The following SLC35B2 variants were observed in gnomAD, a reference collection of about 807,000 sequenced individuals.
The protein encoded by SLC35B2 is adenosine 3'-phospho 5'-phosphosulfate transporter 1.
A neutral mutation model predicts 37.9 loss-of-function variants in SLC35B2; 19 were observed. The ratio of observed to expected loss-of-function variants is 0.50; its 90% CI spans 0.35 to 0.74. SLC35B2 has a LOEUF of 0.74. SLC35B2 is among the 30% of genes least tolerant of loss of function. SLC35B2 has a pLI of 0.01. For synonymous variants in SLC35B2, 277 were observed against 225.2 expected (o/e 1.23, Z -2.06); for missense variants, 633 against 547.6 (o/e 1.16, Z -1.56).
intron 3 of SLC35B2, 35 bp downstream of exon 3, chr6:44,256,307 C>G (rs368176456): frequency 6.0e-5 from 95 of 1,577,988 alleles, no homozygotes; most frequent in Non-Finnish European, 2.3e-5. Context: ...CACCGGCATC[C>G]AACCCAGGAA....
Position 44,255,542 on chromosome 6 carries a change from G to C in SLC35B2, c.463C>G (p.Leu155Val). 1 of 1,614,234 alleles carries C rather than the reference G, an allele frequency of 6.2e-7. No individual in the cohort carries two copies. Among genetic ancestry groups the C allele is most frequent in the Non-Finnish European group, 8.5e-7 (1 of 1,180,042 alleles). The part of the protein sequence containing the change: ...PGERFTDSQF[L>V]VLMNRVLALI... ...GCCAGCACTCGGTTCATTAGCACCAGGAACTGCGAGTCCGTAAAGCGCTCA... is the reference window on the plus strand; with the variant it reads ...GCCAGCACTCGGTTCATTAGCACCACGAACTGCGAGTCCGTAAAGCGCTCA... Residue 155 changes from leucine (L) to valine (V), a missense_variant, in exon 4 of 4, where the codon CTG (leucine) becomes GTG (valine). By Grantham distance (32) the Leu-to-Val change is conservative. Transcript: ENST00000393812.
In SLC35B2 at chr6:44,256,696, T is replaced by C; in HGVS notation, c.194A>G (p.Tyr65Cys). Residue 65 changes from tyrosine to cysteine, a missense_variant, in exon 2 of 4, where the codon TAC becomes TGC. Transcript: ENST00000393812. ...CTTTCTTCACACACCGGTCTCCAGG[T>C]AGTTCTTCCGCCTGAAGTACTGCAC... ...LLVQYFRRKN[Y>C]LETGRGLCFP... 6.2e-7 allele frequency: 1 copy of C among 1,614,062 alleles called. No homozygotes were observed. The highest frequency in any genetic ancestry group is 1.1e-5 in the South Asian group (1 of 91,078).
Position 44,254,564 on chromosome 6 carries a change from C to A in SLC35B2, c.*142G>T. 1 of 992,910 alleles carries A rather than the reference C, an allele frequency of 1.0e-6. No homozygotes were observed. Among genetic ancestry groups the A allele is most frequent in the Non-Finnish European group, 1.5e-6 (1 of 681,476 alleles). The allele number at this position is 992,910 out of a possible 1,614,324, so 61.5% of individuals were successfully genotyped here. On this transcript the variant is annotated 3_prime_UTR_variant, in exon 4 of 4. Transcript: ENST00000393812. ...AAGGGAAGGCTGCCTCCTGGGCTCC[C>A]CAATCCCCTGCTGCAGAGCTGGTCT...
At chr6:44,256,616 C>A (rs1020505918) in intron 2 of SLC35B2, 69 bp downstream of exon 2, 5 of 1,610,798 alleles carry the variant, frequency 3.1e-6, no homozygotes, top group South Asian at 1.1e-5. Context: ...AAGTCATATC[C>A]CGTTTGGACT....
rs1221012724 is a variant in SLC35B2, at chr6:44,254,930, T to C, written c.1075A>G (p.Ile359Val). 2 of 1,614,032 alleles carry C rather than the reference T, an allele frequency of 1.2e-6. No homozygotes were observed. The highest frequency in any genetic ancestry group is 4.5e-5 in the East Asian group (2 of 44,874). ...AAGACGGCAGCCCCAAACTGCCCAA[T>C]GGTGTAAAAGATGAAGAGCTGGCCA... ...ACGQLFIFYT[I>V]GQFGAAVFTI... Residue 359 changes from isoleucine (I) to valine (V), a missense_variant, in exon 4 of 4, where the codon ATT (isoleucine) becomes GTT (valine). Physicochemically the swap from Ile to Val is conservative, Grantham distance 29. Coordinates refer to ENST00000393812, the MANE Select transcript of SLC35B2 (RefSeq NM_178148.4).
At position 44,255,652 on chromosome 6, in the gene SLC35B2, G is replaced by A. The variant is rs1457637956; in HGVS notation, c.361-8C>T. 1.9e-6 allele frequency: 3 copies of A among 1,605,722 alleles called. No individual in the cohort carries two copies. The highest frequency in any genetic ancestry group is 8.5e-7 in the Non-Finnish European group (1 of 1,175,426). On this transcript the variant is annotated splice_region_variant and splice_polypyrimidine_tract_variant and intron_variant, in intron 3 of 3. Transcript: ENST00000393812. The stretch of plus-strand genomic sequence containing the variant: ...CCAAGTCAGATAAGACACCTGTTGG[G>A]GAAGGTAGAGACAAAGGAGACAATA...
Position 44,254,498 on chromosome 6 carries a change from C to T in SLC35B2, c.*208G>A. ...CTGAGGACTGTCTACCCCCGGGGCT[C>T]AGAATAAACTGCTTACTGGAAGATG... On this transcript the variant is annotated 3_prime_UTR_variant, in exon 4 of 4. Transcript: ENST00000393812. The T allele has an allele frequency of 1.7e-6, 1 of 593,350 alleles. No individual in the cohort carries two copies. Among genetic ancestry groups the T allele is most frequent in the African/African-American group, 1.9e-5 (1 of 53,902 alleles). The allele number at this position is 593,350 out of a possible 1,614,324, so 36.8% of individuals were successfully genotyped here. A position where few individuals can be genotyped will look rare whatever the true frequency, so the allele number is the denominator to read the frequency against.
At chr6:44,257,002 G>C (rs1781592487) in intron 1 of SLC35B2, 124 bp from the exon 2 acceptor site, 3 of 1,075,008 alleles carry the variant, frequency 2.8e-6, no homozygotes, top group African/African-American at 1.6e-5. Context: ...GCTCCGGCCC[G>C]GACAAAGAGC....
rs1175921194 is a variant in SLC35B2, at chr6:44,254,457, T to TC, written c.*248dup. On this transcript the variant is annotated 3_prime_UTR_variant, in exon 4 of 4. Coordinates refer to ENST00000393812, the MANE Select transcript of SLC35B2 (RefSeq NM_178148.4). ...TACCTATGCTCTCTTGACCCCAAAC[T>TC]CCCCAAAACCCCTCACTGAGGACTG... 8.3e-6 allele frequency: 4 copies of TC among 480,974 alleles called. No homozygotes were observed. The highest frequency in any genetic ancestry group is 1.5e-5 in the Non-Finnish European group (4 of 271,312). The allele number at this position is 480,974 out of a possible 1,614,324, so 29.8% of individuals were successfully genotyped here.
At position 44,257,419 on chromosome 6, in the gene SLC35B2, C is replaced by G. The variant is rs759321564; in HGVS notation, c.-9G>C. On this transcript the variant is annotated 5_prime_UTR_variant, in exon 1 of 4. Transcript: ENST00000393812. ...CCCCACCTGGCGTCCATGGTCCAGG[C>G]CGCGTGGGGTGGAGGGGGAACCGGG... The G allele has an allele frequency of 3.1e-5, 39 of 1,263,794 alleles. No homozygotes were observed. Among genetic ancestry groups the G allele is most frequent in the Non-Finnish European group, 3.8e-5 (38 of 997,232 alleles). 78.3% of individuals were successfully genotyped at this position (1,263,794 alleles called of 1,614,324 possible). A position where few individuals can be genotyped will look rare whatever the true frequency, so the allele number is the denominator to read the frequency against.
At chr6:44,257,238 G>A in intron 1 of SLC35B2, 162 bp downstream of exon 1, 1 of 787,760 alleles carries the variant, frequency 1.3e-6, no homozygotes, top group Non-Finnish European at 1.8e-6. Flanking sequence ...TCCCCAAGGA[G>A]CACAAAACCA....
Position 44,254,881 on chromosome 6 carries a change from T to TGGC in SLC35B2, c.1121_1123dup (p.Arg374dup). 1.2e-6 allele frequency: 2 copies of TGGC among 1,614,182 alleles called. No homozygotes were observed. The highest frequency in any genetic ancestry group is 1.7e-6 in the Non-Finnish European group (2 of 1,180,026). On this transcript the variant is annotated inframe_insertion, in exon 4 of 4. Transcript: ENST00000393812. Reference sequence around the variant, plus strand: ...GCAGGAAAGAAGGATGGCAAAGGCCTGGCGGAGGGTCATGATGATGGTGAA... The same window carrying TGGC: ...GCAGGAAAGAAGGATGGCAAAGGCCTGGCGGCGGAGGGTCATGATGATGGTGAA...
Position 44,254,891 on chromosome 6 carries a change from T to A in SLC35B2, c.1114A>T (p.Thr372Ser), listed in dbSNP as rs1269096095. The A allele has an allele frequency of 6.2e-7, 1 of 1,613,798 alleles. No homozygotes were observed. The highest frequency in any genetic ancestry group is 1.3e-5 in the African/African-American group (1 of 74,868). ...FGAAVFTIIM[T>S]LRQAFAILLS... ...AGGATGGCAAAGGCCTGGCGGAGGG[T>A]CATGATGATGGTGAAGACGGCAGCC... Residue 372 changes from threonine to serine, a missense_variant, in exon 4 of 4, where the codon ACC becomes TCC. By Grantham distance (58) the Thr-to-Ser change is moderately conservative. Transcript: ENST00000393812.
In SLC35B2 at chr6:44,254,765, G is replaced by C. The variant is rs200968592; in HGVS notation, c.1240C>G (p.Arg414Gly). Residue 414 changes from arginine (R) to glycine (G), a missense_variant, in exon 4 of 4, where the codon CGT (arginine) becomes GGT (glycine). Physicochemically the swap from Arg to Gly is moderately radical, Grantham distance 125. Coordinates refer to ENST00000393812, the MANE Select transcript of SLC35B2 (RefSeq NM_178148.4). ...ALLLRVYARGRLKQRGKKAVP... is the reference protein window; with the variant it reads ...ALLLRVYARGGLKQRGKKAVP... ...GCCTTCTTTCCCCGTTGCTTTAGAC[G>C]GCCCCGCGCGTAGACTCTGAGCAGG... The C allele has an allele frequency of 5.6e-6, 9 of 1,614,076 alleles. No homozygotes were observed. Among genetic ancestry groups the C allele is most frequent in the Non-Finnish European group, 6.8e-6 (8 of 1,179,996 alleles).
Position 44,255,040 on chromosome 6 carries a change from C to T in SLC35B2, c.965G>A (p.Gly322Glu). The change falls in exon 4 of 4, where the codon GGG (glycine) becomes GAG (glutamate). Residue 322 changes from glycine (G) to glutamate (E), a missense_variant. Physicochemically the swap from Gly to Glu is moderately conservative, Grantham distance 98 (BLOSUM62 -2). Coordinates refer to ENST00000393812, the MANE Select transcript of SLC35B2 (RefSeq NM_178148.4). ...GAAGCGGGTTCCCTCCAGTAGGGCC[C>T]CCTGTTCTAGCAGTGAGCCCACTGT... ...LFTVGSLLEQ[G>E]ALLEGTRFMG... 2 of 1,614,174 alleles carry T rather than the reference C, an allele frequency of 1.2e-6. No individual in the cohort carries two copies. The highest frequency in any genetic ancestry group is 1.1e-5 in the South Asian group (1 of 91,076).
chr6:44,255,317 C>G lies in SLC35B2; in HGVS notation c.688G>C (p.Val230Leu). Residue 230 changes from valine to leucine, a missense_variant, in exon 4 of 4, where the codon GTG becomes CTG. Coordinates refer to ENST00000393812, the MANE Select transcript of SLC35B2 (RefSeq NM_178148.4). ...VIPVMLMGKLVSRRSYEHWEY... is the reference protein window; with the variant it reads ...VIPVMLMGKLLSRRSYEHWEY... ...CAGTGTTCGTAGCTGCGCCGAGACA[C>G]AAGCTTTCCCATCAGCATGACAGGG... 3.7e-6 allele frequency: 6 copies of G among 1,614,256 alleles called. No homozygotes were observed. The highest frequency in any genetic ancestry group is 5.1e-6 in the Non-Finnish European group (6 of 1,180,054).
rs1309218358 is a variant in SLC35B2, at chr6:44,256,541, ACTT to A, written c.206-48_206-46del. 2.5e-6 allele frequency: 4 copies of A among 1,613,440 alleles called. No homozygotes were observed. The Admixed American group carries it at 6.7e-5, about 27-fold the overall frequency. On this transcript the variant is annotated intron_variant, in intron 2 of 3. Coordinates refer to ENST00000393812, the MANE Select transcript of SLC35B2 (RefSeq NM_178148.4). ...TCAAGCCCCAAATCTTCTCCATAGC[ACTT>A]CATCTTCCCCAGAGCAGCCAGCCTG...
Position 44,254,631 on chromosome 6 carries a change from C to CT in SLC35B2, c.*74dup. On this transcript the variant is annotated 3_prime_UTR_variant, in exon 4 of 4. Coordinates refer to ENST00000393812, the MANE Select transcript of SLC35B2 (RefSeq NM_178148.4). ...ACCTGCATTTTGCCCTTTCAGCCAGCTCCCTCAGAGGTTACAGCAGAAGGG... is the reference window on the plus strand; with the variant it reads ...ACCTGCATTTTGCCCTTTCAGCCAGCTTCCCTCAGAGGTTACAGCAGAAGGG... 1 of 1,487,974 alleles carries CT rather than the reference C, an allele frequency of 6.7e-7. No homozygotes were observed. Among genetic ancestry groups the CT allele is most frequent in the Non-Finnish European group, 9.0e-7 (1 of 1,106,742 alleles). 92.2% of individuals were successfully genotyped at this position (1,487,974 alleles called of 1,614,324 possible).
At position 44,254,439 on chromosome 6, in the gene SLC35B2, G is replaced by T; in HGVS notation, c.*267C>A. ...GGAAGAGTAACTGGAACCTACCTATGCTCTCTTGACCCCAAACTCCCCAAA... is the reference window on the plus strand; with the variant it reads ...GGAAGAGTAACTGGAACCTACCTATTCTCTCTTGACCCCAAACTCCCCAAA... On this transcript the variant is annotated 3_prime_UTR_variant, in exon 4 of 4. Transcript: ENST00000393812. 1 of 464,488 alleles carries T rather than the reference G, an allele frequency of 2.2e-6. No individual in the cohort carries two copies. The highest frequency in any genetic ancestry group is 4.9e-4 in the Middle Eastern group (1 of 2,048). 28.8% of individuals were successfully genotyped at this position (464,488 alleles called of 1,614,324 possible).
Sources: gnomAD v4.1 joint callset for allele counts on GRCh38, gnomAD v4.1.1 for gene constraint, MANE v1.5 for transcripts, NCBI Gene and HGNC (gene_info 2026-07-23, HGNC 2026-07-21) for gene names.